Variants in ARHGAP31 observed in about 807,000 individuals in gnomAD.
ARHGAP31 encodes the protein Rho GTPase activating protein 31, also known as rho GTPase-activating protein 31.
In ARHGAP31, 34 loss-of-function variants were observed where a neutral mutation model predicts 113.9. That is an observed-to-expected ratio of 0.30 (90% CI 0.23 to 0.40). The LOEUF is 0.40. Ranked by LOEUF, ARHGAP31 falls within the 10% of genes least tolerant of loss-of-function variation. ARHGAP31 has a pLI of 1.00. For synonymous variants in ARHGAP31, 650 were observed against 684.8 expected, an observed-to-expected ratio of 0.95 and a Z score of 0.79; for missense variants, 1,548 against 1,767.1, an observed-to-expected ratio of 0.88 and a Z score of 2.22.
chr3:119,415,756 A>T lies in ARHGAP31; in HGVS notation c.3827A>T (p.Asp1276Val). Residue 1276 changes from aspartate (D) to valine (V), a missense_variant, in exon 12 of 12, where the codon GAT (aspartate) becomes GTT (valine). Asp to Val is a radical substitution (Grantham distance 152, BLOSUM62 -3). Coordinates refer to ENST00000264245, the MANE Select transcript of ARHGAP31 (RefSeq NM_020754.4). Reference sequence around the variant, plus strand: ...GGAGCCATTAAGTCCTCACCAGTGGATGCCACTGCACCCTGCATGTGCGAG... The same window carrying T: ...GGAGCCATTAAGTCCTCACCAGTGGTTGCCACTGCACCCTGCATGTGCGAG... ...DPGAIKSSPVDATAPCMCEGP... is the reference protein window; with the variant it reads ...DPGAIKSSPVVATAPCMCEGP... 6.2e-7 allele frequency: 1 copy of T among 1,614,204 alleles called. No homozygotes were observed. The highest frequency in any genetic ancestry group is 1.1e-5 in the South Asian group (1 of 91,078).
chr3:119,384,611 C>G (rs1039036251), intron 6 of ARHGAP31, among the ~76,000 whole-genome samples: 7 of 152,128 alleles, frequency 4.6e-5, no homozygotes, highest in Non-Finnish European at 1.0e-4. Context: ...GGTTTTATAA[C>G]AAACCCACTC....
intron 3 of ARHGAP31, among the ~76,000 whole-genome samples, chr3:119,374,008 A>G (rs1004310708): frequency 6.6e-6 from 1 of 152,234 alleles, no homozygotes; most frequent in Non-Finnish European, 1.5e-5. Context: ...ACAGTGAGAG[A>G]TGATTTAAAT....
At chr3:119,315,874 T>C (rs1049397771) in intron 1 of ARHGAP31, among the ~76,000 whole-genome samples, 1 of 152,082 alleles carries the variant, frequency 6.6e-6, no homozygotes, top group Non-Finnish European at 1.5e-5. Context: ...AATGTTGGGG[T>C]GGGGAAGGGA....
intron 1 of ARHGAP31, among the ~76,000 whole-genome samples, chr3:119,358,716 A>G (rs1418740904): frequency 6.6e-6 from 1 of 152,212 alleles, no homozygotes; most frequent in East Asian, 1.9e-4. Flanking sequence ...TGAAAACACT[A>G]TGCTAAATAA....
intron 3 of ARHGAP31, among the ~76,000 whole-genome samples, chr3:119,369,964 GA>G (rs915097017): frequency 3.3e-5 from 5 of 150,136 alleles, no homozygotes; most frequent in African/African-American, 1.2e-4. Flanking sequence ...AAAAAAAAAA[GA>G]AAAGAAAGAA....
chr3:119,300,659 T>G (rs2079573442), intron 1 of ARHGAP31, among the ~76,000 whole-genome samples: 1 of 151,572 alleles, frequency 6.6e-6, no homozygotes, highest in Admixed American at 6.6e-5. Context: ...TGAAACCCCG[T>G]CTCTACTAAA....
intron 3 of ARHGAP31, among the ~76,000 whole-genome samples, chr3:119,372,583 T>C (rs574034095): frequency 2.9e-4 from 44 of 152,264 alleles, no homozygotes; most frequent in African/African-American, 1.1e-3. Context: ...GCACCCGGCC[T>C]ATTTTTGACT....
intron 1 of ARHGAP31, among the ~76,000 whole-genome samples, chr3:119,358,357 C>A (rs1204475946): frequency 6.6e-6 from 1 of 152,160 alleles, no homozygotes. Flanking sequence ...CAAGTCTTGA[C>A]AAGGATATGG....
At chr3:119,309,732 C>T (rs1001670945) in intron 1 of ARHGAP31, among the ~76,000 whole-genome samples, 1 of 151,974 alleles carries the variant, frequency 6.6e-6, no homozygotes, top group Non-Finnish European at 1.5e-5. Flanking sequence ...TGCATTCCAG[C>T]CTGAGACAGA....
At chr3:119,318,034 T>C (rs1344311573) in intron 1 of ARHGAP31, among the ~76,000 whole-genome samples, 1 of 151,882 alleles carries the variant, frequency 6.6e-6, no homozygotes, top group Non-Finnish European at 1.5e-5. Flanking sequence ...AGGATTAGGA[T>C]CTTTCCCTCT....
chr3:119,320,445 C>A (rs537723843), intron 1 of ARHGAP31, among the ~76,000 whole-genome samples: 1 of 152,306 alleles, frequency 6.6e-6, no homozygotes, highest in African/African-American at 2.4e-5. Flanking sequence ...TATCAACAAC[C>A]TTGGGCCAAA....
intron 1 of ARHGAP31, among the ~76,000 whole-genome samples, chr3:119,345,053 C>T (rs980588963): frequency 6.6e-6 from 1 of 151,232 alleles, no homozygotes; most frequent in Non-Finnish European, 1.5e-5. Context: ...GGCACAATCT[C>T]GGCTCACTAC....
intron 1 of ARHGAP31, among the ~76,000 whole-genome samples, chr3:119,339,819 C>A (rs569190184): frequency 1.3e-4 from 20 of 151,958 alleles, no homozygotes; most frequent in Non-Finnish European, 2.6e-4. Context: ...GACTATAAAA[C>A]TGTTAGAAAA....
intron 3 of ARHGAP31, among the ~76,000 whole-genome samples, chr3:119,376,225 A>G (rs1327414464): frequency 6.6e-6 from 1 of 152,214 alleles, no homozygotes; most frequent in Admixed American, 6.5e-5. Context: ...TTGGTGGCTT[A>G]CGCCTGTAAT....
At chr3:119,343,384 T>C (rs543282663) in intron 1 of ARHGAP31, among the ~76,000 whole-genome samples, 2 of 152,326 alleles carry the variant, frequency 1.3e-5, no homozygotes, top group African/African-American at 4.8e-5. Flanking sequence ...ACTGTTAAAC[T>C]TGCCTTGCAA....
At chr3:119,331,373 T>C (rs1559969312) in intron 1 of ARHGAP31, among the ~76,000 whole-genome samples, 1 of 152,196 alleles carries the variant, frequency 6.6e-6, no homozygotes, top group Non-Finnish European at 1.5e-5. Flanking sequence ...TCTGAACAAT[T>C]TGAGAGAAAA....
rs1007685584 is a variant in ARHGAP31 at position 119,393,358 on chromosome 3, T to C, written c.882-109T>C. 5 of 1,390,084 alleles carry C rather than the reference T, an allele frequency of 3.6e-6. No individual in the cohort carries two copies. In the African/African-American group the frequency reaches 5.7e-5, roughly 16 times the overall value. The allele number at this position is 1,390,084 out of a possible 1,614,324, so 86.1% of individuals were successfully genotyped here. On this transcript the variant is annotated intron_variant, in intron 7 of 11. Coordinates refer to ENST00000264245, the MANE Select transcript of ARHGAP31 (RefSeq NM_020754.4). ...TTTTAGAGGGGAATTTCTTGAAATATCAGAGCCATTCATAACTGAGGACAT... is the reference window on the plus strand; with the variant it reads ...TTTTAGAGGGGAATTTCTTGAAATACCAGAGCCATTCATAACTGAGGACAT...
At chr3:119,334,959 C>T (rs1428163550) in intron 1 of ARHGAP31, among the ~76,000 whole-genome samples, 1 of 151,910 alleles carries the variant, frequency 6.6e-6, no homozygotes, top group Admixed American at 6.6e-5. Context: ...ATAAAGGAAT[C>T]AATAGAAATG....
intron 4 of ARHGAP31, among the ~76,000 whole-genome samples, chr3:119,381,993 A>C (rs1036248995): frequency 6.6e-6 from 1 of 151,118 alleles, no homozygotes; most frequent in Non-Finnish European, 1.5e-5. Flanking sequence ...CTCAAAAAAA[A>C]AAAAAAAAAA....
Sources: gnomAD v4.1 joint callset for allele counts (sites outside exome capture counted in the v4.1 genomes callset) on GRCh38, gnomAD v4.1.1 for gene constraint, MANE v1.5 for transcripts, NCBI Gene and HGNC (gene_info 2026-07-23, HGNC 2026-07-21) for gene names.